The following ARMC2 variants were observed in gnomAD, a reference collection of about 807,000 sequenced individuals.
ARMC2 encodes armadillo repeat containing 2, also known as armadillo repeat-containing protein 2.
In ARMC2, 67 loss-of-function variants were observed where a neutral mutation model predicts 90.3. The ratio of observed to expected loss-of-function variants is 0.74; its 90% CI spans 0.61 to 0.91. The LOEUF is 0.91. ARMC2 is among the 40% of genes least tolerant of loss of function. The pLI is 0.00. For synonymous variants in ARMC2, 393 were observed against 393.0 expected, an observed-to-expected ratio of 1.00 and a Z score of 0.00; for missense variants, 920 against 1,030.9, an observed-to-expected ratio of 0.89 and a Z score of 1.47.
At chr6:108,946,486 G>A (rs1421266947) in intron 12 of ARMC2, among the ~76,000 whole-genome samples, 2 of 152,176 alleles carry the variant, frequency 1.3e-5, no homozygotes, top group East Asian at 1.9e-4. Context: ...GTAGTGCACA[G>A]TCTGTCTTCC....
downstream of ARMC2, among the ~76,000 whole-genome samples, chr6:108,979,200 T>C (rs1193908764): frequency 6.6e-6 from 1 of 152,208 alleles, no homozygotes. Context: ...GGTGACACAA[T>C]CTCTCAGCAT....
intron 4 of ARMC2, among the ~76,000 whole-genome samples, chr6:108,871,425 A>G (rs1361147473): frequency 6.6e-6 from 1 of 152,006 alleles, no homozygotes; most frequent in African/African-American, 2.4e-5. Context: ...GGTAAATCAG[A>G]AAGGGTTGGT....
chr6:108,920,778 T>G (rs776746543), intron 10 of ARMC2, among the ~76,000 whole-genome samples: 1 of 152,098 alleles, frequency 6.6e-6, no homozygotes, highest in African/African-American at 2.4e-5. Flanking sequence ...ACCATGTCTG[T>G]CCCTGGAGGA....
the ARMC2 span, chr6:108,998,702 T>C: frequency 1.6e-3 from 2,552 of 1,613,794 alleles, 2 homozygotes; most frequent in Admixed American, 3.3e-3. Flanking sequence ...GTAAAACTAC[T>C]GCATGTACCA....
chr6:108,898,499 ATCTCAGGACTAT>A (rs1352318151), intron 6 of ARMC2, among the ~76,000 whole-genome samples: 1 of 152,236 alleles, frequency 6.6e-6, no homozygotes, highest in Non-Finnish European at 1.5e-5. Flanking sequence ...TGAGGAATAC[ATCTCAGGACTAT>A]TCAGTAATGC....
chr6:108,985,235 A>G, the ARMC2 span, among the ~76,000 whole-genome samples: 1 of 152,314 alleles, frequency 6.6e-6, no homozygotes, highest in Admixed American at 6.5e-5. Context: ...TCTCATTCTT[A>G]GAGATGATAA....
the ARMC2 span, among the ~76,000 whole-genome samples, chr6:108,996,517 A>G: frequency 6.6e-6 from 1 of 152,158 alleles, no homozygotes; most frequent in African/African-American, 2.4e-5. Flanking sequence ...CTCCTCTTAA[A>G]GAGCCCAAAT....
chr6:109,010,371 G>T, the ARMC2 span, among the ~76,000 whole-genome samples: 1 of 152,120 alleles, frequency 6.6e-6, no homozygotes, highest in Non-Finnish European at 1.5e-5. Flanking sequence ...CTCTTTAAAA[G>T]AAACAAATTC....
the ARMC2 span, chr6:109,001,608 A>T: frequency 1.2e-6 from 1 of 862,586 alleles, no homozygotes; most frequent in Non-Finnish European, 1.8e-6. Context: ...CTTAAGAAAG[A>T]GGGGTTACAA....
the ARMC2 span, chr6:109,001,198 G>A: frequency 1.2e-5 from 13 of 1,047,612 alleles, no homozygotes; most frequent in Middle Eastern, 3.1e-4. Flanking sequence ...CATAATCTAA[G>A]TATTTATCCC....
chr6:109,039,220 C>T, the ARMC2 span, among the ~76,000 whole-genome samples: 1 of 152,038 alleles, frequency 6.6e-6, no homozygotes, highest in African/African-American at 2.4e-5. Flanking sequence ...GGAAGGGATA[C>T]TATAGAGGGT....
chr6:108,926,214 C>G (rs1458484170), intron 10 of ARMC2, among the ~76,000 whole-genome samples: 4 of 152,108 alleles, frequency 2.6e-5, no homozygotes, highest in Non-Finnish European at 5.9e-5. Context: ...TTCATGGTTT[C>G]CCATGATGTC....
rs373656754 is a variant in ARMC2, at chr6:108,899,778, G to A, written c.833G>A (p.Arg278His). The A allele has an allele frequency of 1.5e-4, 239 of 1,611,858 alleles. 1 individual carries two copies. The highest frequency in any genetic ancestry group is 1.6e-4 in the Non-Finnish European group (189 of 1,179,038). Residue 278 changes from arginine (R) to histidine (H), a missense_variant, in exon 7 of 18, where the codon CGT becomes CAT. Transcript: ENST00000392644. ...AATACAAGGATTGTACCGATTTTGC[G>A]TGAATTAGAAAAGGGTAAAACACAA... ...FWNTRIVPIL[R>H]ELEKEENIET...
chr6:108,977,966 T>A (rs1779017657), downstream of ARMC2, among the ~76,000 whole-genome samples: 2 of 152,320 alleles, frequency 1.3e-5, no homozygotes, highest in South Asian at 4.1e-4. Context: ...GATTCATTGA[T>A]CTTTTGAAGG....
At chr6:108,896,589 C>G (rs1003226525) in intron 6 of ARMC2, among the ~76,000 whole-genome samples, 1 of 152,096 alleles carries the variant, frequency 6.6e-6, no homozygotes, top group African/African-American at 2.4e-5. Context: ...GGAAGGAAAC[C>G]CTCATACCAG....
At chr6:108,887,882 G>T (rs1421095841) in intron 5 of ARMC2, among the ~76,000 whole-genome samples, 2 of 152,150 alleles carry the variant, frequency 1.3e-5, no homozygotes, top group African/African-American at 2.4e-5. Context: ...CATCTGATAG[G>T]CAGGAATGCT....
chr6:108,907,743 A>G (rs879175691), intron 8 of ARMC2: 3 of 1,610,398 alleles, frequency 1.9e-6, no homozygotes, highest in South Asian at 1.1e-5. Context: ...TTGTAGTACC[A>G]GTAGTAACCT....
intron 5 of ARMC2, among the ~76,000 whole-genome samples, chr6:108,880,850 CT>C (rs1430523706): frequency 6.7e-6 from 1 of 149,068 alleles, no homozygotes; most frequent in East Asian, 2.0e-4. Context: ...TCCTTCCTTC[CT>C]TTTTTTCTCT....
chr6:108,863,711 T>C (rs1420127016), intron 3 of ARMC2, among the ~76,000 whole-genome samples: 1 of 152,246 alleles, frequency 6.6e-6, no homozygotes, highest in African/African-American at 2.4e-5. Context: ...AGTCCAGTGA[T>C]GTAAACCCCA....
Sources: gnomAD v4.1 joint callset for allele counts (sites outside exome capture counted in the v4.1 genomes callset) on GRCh38, gnomAD v4.1.1 for gene constraint, MANE v1.5 for transcripts, NCBI Gene and HGNC (gene_info 2026-07-23, HGNC 2026-07-21) for gene names.